CSMD1: variants seen among roughly 807,000 people sequenced by gnomAD.
CSMD1 encodes CUB and Sushi multiple domains 1.
CSMD1 carries 213 observed loss-of-function variants against 417.5 expected under a neutral mutation model. That is an observed-to-expected ratio of 0.51 (90% CI 0.46 to 0.57). The LOEUF (loss-of-function observed/expected upper bound fraction) is 0.57. Among genes scored for constraint, CSMD1 ranks in the 20% least tolerant of loss-of-function variants. CSMD1 has a pLI of 0.00. For synonymous variants in CSMD1, 2,862 were observed against 1,736.8 expected, an observed-to-expected ratio of 1.65 and a Z score of -16.11; for missense variants, 6,923 against 4,529.7, an observed-to-expected ratio of 1.53 and a Z score of -15.17.
chr8:4,485,655 C>T (rs1200545266), intron 2 of CSMD1, among the ~76,000 whole-genome samples: 1 of 151,784 alleles, frequency 6.6e-6, no homozygotes, highest in African/African-American at 2.4e-5. Context: ...ATCGCAGAGC[C>T]CAGGTAAATG....
intron 37 of CSMD1, among the ~76,000 whole-genome samples, chr8:3,175,099 G>C (rs1820822433): frequency 6.6e-6 from 1 of 152,102 alleles, no homozygotes; most frequent in African/African-American, 2.4e-5. Flanking sequence ...AAATATAAAA[G>C]TGTGAATCAA....
chr8:3,274,697 T>A (rs1223564071), intron 26 of CSMD1, among the ~76,000 whole-genome samples: 3 of 152,202 alleles, frequency 2.0e-5, no homozygotes, highest in African/African-American at 7.2e-5. Context: ...CTTCTTTGTC[T>A]CTTTTGATCT....
chr8:4,573,807 A>C (rs1264652515), intron 2 of CSMD1, among the ~76,000 whole-genome samples: 3 of 152,150 alleles, frequency 2.0e-5, no homozygotes, highest in African/African-American at 7.2e-5. Context: ...CCTTTCTTTC[A>C]GGGATGACCT....
rs1184936484 is a variant in CSMD1 at position 3,849,690 on chromosome 8, T to A, written c.819-95648A>T. 2.0e-5 allele frequency among the ~76,000 whole-genome samples: 3 copies of A among 152,200 alleles called. No homozygotes were observed. The East Asian group carries it at 5.8e-4, about 29-fold the overall frequency. On this transcript the variant is annotated intron_variant, in intron 5 of 69. Transcript: ENST00000635120. ...CGATTTTAGTGATGTTGTCAACTGCTGAAATCAGGATCGGCACAGGAAACA... is the reference window on the plus strand; with the variant it reads ...CGATTTTAGTGATGTTGTCAACTGCAGAAATCAGGATCGGCACAGGAAACA...
At chr8:4,396,887 T>G (rs1804264021) in intron 3 of CSMD1, among the ~76,000 whole-genome samples, 1 of 151,998 alleles carries the variant, frequency 6.6e-6, no homozygotes. Context: ...GGGGAAAGGG[T>G]GGGAGGCAGA....
intron 7 of CSMD1, among the ~76,000 whole-genome samples, chr8:3,633,882 G>T (rs542024192): frequency 1.3e-5 from 2 of 152,126 alleles, no homozygotes; most frequent in Non-Finnish European, 2.9e-5. Flanking sequence ...GAAACCTGAC[G>T]TATGTATTCA....
At chr8:3,452,225 A>G (rs1815776369) in intron 12 of CSMD1, among the ~76,000 whole-genome samples, 1 of 152,186 alleles carries the variant, frequency 6.6e-6, no homozygotes, top group Non-Finnish European at 1.5e-5. Context: ...GGCTGAGACA[A>G]TGGGGTTTTC....
intron 1 of CSMD1, among the ~76,000 whole-genome samples, 179 bp from the exon 2 acceptor site, chr8:4,637,737 C>G (rs578041450): frequency 1.4e-5 from 2 of 140,234 alleles, no homozygotes; most frequent in Admixed American, 7.9e-5. Context: ...GTGGCGCGAT[C>G]TCAGCTCACT....
At chr8:4,588,710 G>A (rs969860793) in intron 2 of CSMD1, among the ~76,000 whole-genome samples, 3 of 151,680 alleles carry the variant, frequency 2.0e-5, no homozygotes, top group African/African-American at 4.8e-5. Flanking sequence ...GCTTGAACCC[G>A]GGAGGCAGAG....
Position 4,449,343 on chromosome 8 carries a change from C to T in CSMD1, c.303-29278G>A, listed in dbSNP as rs112187735. 9.0e-3 allele frequency among the ~76,000 whole-genome samples: 1,369 copies of T among 152,192 alleles called. 13 individuals are homozygous for T. The highest frequency in any genetic ancestry group is 0.015 in the Non-Finnish European group (1,020 of 68,022). The stretch of plus-strand genomic sequence containing the variant: ...AGCATCTGTCTTCATTGGTTTTAAG[C>T]CTCCCCCTCTCTTTTTTTCCAGAAT... On this transcript the variant is annotated intron_variant, in intron 2 of 69. Coordinates refer to ENST00000635120, the MANE Select transcript of CSMD1 (RefSeq NM_033225.6).
At chr8:3,742,711 A>T (rs1584932520) in intron 6 of CSMD1, among the ~76,000 whole-genome samples, 2 of 152,102 alleles carry the variant, frequency 1.3e-5, no homozygotes, top group East Asian at 3.9e-4. Context: ...AGAAGCTTGC[A>T]TAGGATCAGA....
At chr8:4,446,936 T>TA (rs74569596) in intron 2 of CSMD1, among the ~76,000 whole-genome samples, 29,533 of 141,748 alleles carry the variant, frequency 0.21, 3,452 homozygotes, top group African/African-American at 0.34. Flanking sequence ...CGTGTTTATT[T>TA]AAAAAAAAAA....
chr8:3,096,977 T>A lies in CSMD1; in HGVS notation c.7010A>T (p.Tyr2337Phe). Residue 2337 changes from tyrosine to phenylalanine, a missense_variant, in exon 47 of 70, where the codon TAT becomes TTT. Transcript: ENST00000635120. ...CTGGGAGTTAAAATAATTACCCGGA[T>A]ACCCTGGACTGAGAATGACTCCCGA... The part of the protein sequence containing the change: ...GSSGVILSPG[Y>F]PGNYFNSQTC... 6.4e-7 allele frequency: 1 copy of A among 1,555,496 alleles called. No individual in the cohort carries two copies. Among genetic ancestry groups the A allele is most frequent in the South Asian group, 1.2e-5 (1 of 84,286 alleles).
At chr8:4,428,219 C>T (rs1355487453) in intron 2 of CSMD1, among the ~76,000 whole-genome samples, 4 of 152,122 alleles carry the variant, frequency 2.6e-5, no homozygotes, top group East Asian at 3.9e-4. Context: ...TCCACTGAAC[C>T]ACACATTCTA....
intron 5 of CSMD1, among the ~76,000 whole-genome samples, chr8:3,914,463 TA>T (rs1318207748): frequency 6.6e-6 from 1 of 152,170 alleles, no homozygotes; most frequent in African/African-American, 2.4e-5. Flanking sequence ...TAATTATTAT[TA>T]TATCATGTTT....
At chr8:2,990,469 T>C (rs1806281700) in intron 54 of CSMD1, among the ~76,000 whole-genome samples, 1 of 152,194 alleles carries the variant, frequency 6.6e-6, no homozygotes, top group Admixed American at 6.5e-5. Context: ...CCATTTTCCA[T>C]AGCCCCTGAC....
chr8:4,050,947 T>A (rs777478667), intron 3 of CSMD1, among the ~76,000 whole-genome samples: 17 of 151,972 alleles, frequency 1.1e-4, no homozygotes, highest in Non-Finnish European at 1.9e-4. Flanking sequence ...CATGATAAGG[T>A]CTCACTTGGT....
chr8:4,161,582 C>T (rs2680610), intron 3 of CSMD1, among the ~76,000 whole-genome samples: 145,647 of 152,250 alleles, frequency 0.96, 70,002 homozygotes, highest in East Asian at 1. Context: ...GTTCATCAAG[C>T]GGTACATTTT....
chr8:4,750,447 G>C (rs1287115969), intron 1 of CSMD1, among the ~76,000 whole-genome samples: 1 of 152,062 alleles, frequency 6.6e-6, no homozygotes, highest in Non-Finnish European at 1.5e-5. Context: ...GAAAACCTTG[G>C]ATTAAATAAT....
Sources: allele counts gnomAD v4.1 joint callset (sites outside exome capture counted in the v4.1 genomes callset), GRCh38; gene constraint gnomAD v4.1.1; transcripts MANE v1.5; gene names NCBI Gene and HGNC (gene_info 2026-07-23, HGNC 2026-07-21).